CSNK1E: variants seen among roughly 807,000 people sequenced by gnomAD.
The protein encoded by CSNK1E is casein kinase I isoform epsilon.
Under a neutral mutation model 46.1 loss-of-function variants are expected in CSNK1E, and 17 were observed. That is an observed-to-expected ratio of 0.37 (90% CI 0.25 to 0.55). CSNK1E has a LOEUF of 0.55. Among genes scored for constraint, CSNK1E ranks in the 20% least tolerant of loss-of-function variants. The probability of loss-of-function intolerance (pLI) is 0.82; values close to 1 mark genes in which losing one functional copy is unlikely to be tolerated. For synonymous variants in CSNK1E, 241 were observed against 242.6 expected (o/e 0.99, Z 0.06); for missense variants, 386 against 595.4 (o/e 0.65, Z 3.66).
rs894735680 is a variant in CSNK1E at position 38,293,435 on chromosome 22, G to T, written c.1219-116C>A. ...TGGCAAGTCTCTCCCCACTGAGGAG[G>T]TGTACCCCCACCCCCACCTCCAGGC... On this transcript the variant is annotated intron_variant, in intron 9 of 10. Coordinates refer to ENST00000396832, the MANE Select transcript of CSNK1E (RefSeq NM_152221.3). The T allele has an allele frequency of 5.9e-6, 4 of 674,424 alleles. No individual in the cohort carries two copies. In the Admixed American group the frequency reaches 1.0e-4, roughly 17 times the overall value. 41.8% of individuals were successfully genotyped at this position (674,424 alleles called of 1,614,324 possible). A position where few individuals can be genotyped will look rare whatever the true frequency, so the allele number is the denominator to read the frequency against.
At chr22:38,316,717 C>T (rs1319127929) in intron 1 of CSNK1E, 1 of 152,292 alleles carries the variant, frequency 6.6e-6, no homozygotes, top group Non-Finnish European at 1.5e-5. Flanking sequence ...CCTTGCGAAC[C>T]CCCAGGTCCG....
chr22:38,304,761 G>A (rs868141477), intron 2 of CSNK1E, among the ~76,000 whole-genome samples: 5 of 152,124 alleles, frequency 3.3e-5, no homozygotes, highest in Middle Eastern at 3.2e-3. Context: ...TCCATGCGGC[G>A]GAATATTATT....
At chr22:38,297,932 G>A in intron 7 of CSNK1E, 1 of 1,112,458 alleles carries the variant, frequency 9.0e-7, no homozygotes, top group South Asian at 2.0e-5. Context: ...AGTTTTGGGG[G>A]GACAGCTCCT....
In CSNK1E at chr22:38,298,563, C is replaced by T. The variant is rs952511443; in HGVS notation, c.885+223G>A. The T allele has an allele frequency of 4.3e-5, 24 of 557,840 alleles. No homozygotes were observed. Among genetic ancestry groups the T allele is most frequent in the East Asian group, 3.9e-4 (12 of 30,894 alleles). 34.6% of individuals were successfully genotyped at this position (557,840 alleles called of 1,614,324 possible). ...TGAAGCCAGATCCTCCTTGTTCCGACGGGAGACAGCGCCCTGCCTGGGCCC... is the reference window on the plus strand; with the variant it reads ...TGAAGCCAGATCCTCCTTGTTCCGATGGGAGACAGCGCCCTGCCTGGGCCC... On this transcript the variant is annotated intron_variant, in intron 7 of 10. Coordinates refer to ENST00000396832, the MANE Select transcript of CSNK1E (RefSeq NM_152221.3). The surrounding 1 kb of genome is among the most constrained non-coding windows in gnomAD (Gnocchi z 4.2).
intron 1 of CSNK1E, among the ~76,000 whole-genome samples, chr22:38,314,627 A>G (rs1011194631): frequency 7.2e-5 from 11 of 152,174 alleles, no homozygotes; most frequent in African/African-American, 2.4e-4. Context: ...GCCCTCGACC[A>G]TCCACCTTCC....
rs149453475 is a variant in CSNK1E at position 38,299,299 on chromosome 22, C to T, written c.737-365G>A. 2.2e-3 allele frequency among the ~76,000 whole-genome samples: 336 copies of T among 152,328 alleles called. 2 individuals are homozygous for T. The highest frequency in any genetic ancestry group is 7.2e-3 in the African/African-American group (300 of 41,574). On this transcript the variant is annotated intron_variant, in intron 6 of 10. Coordinates refer to ENST00000396832, the MANE Select transcript of CSNK1E (RefSeq NM_152221.3). The stretch of plus-strand genomic sequence containing the variant: ...AATTCAAAGGACTGCAAGAGCCTGA[C>T]GGGACCTTCTAACACAACCTAAGCA...
intron 10 of CSNK1E, chr22:38,292,533 T>G (rs2092616785): frequency 6.6e-6 from 1 of 152,058 alleles, no homozygotes; most frequent in African/African-American, 2.4e-5. Context: ...CTCTCTTGTG[T>G]GGATGAATTT....
intron 2 of CSNK1E, 25 bp downstream of exon 2, chr22:38,314,057 T>C (rs2092732736): frequency 6.2e-7 from 1 of 1,605,370 alleles, no homozygotes; most frequent in African/African-American, 1.3e-5. Context: ...CCCCAGGGGC[T>C]CCAGCTGGAG....
chr22:38,307,676 G>A (rs2092704356), intron 2 of CSNK1E, among the ~76,000 whole-genome samples: 2 of 152,242 alleles, frequency 1.3e-5, no homozygotes, highest in Admixed American at 6.5e-5. Flanking sequence ...ATTCCCCACA[G>A]GTACCGAAGG....
chr22:38,310,651 G>A (rs1239150266), intron 2 of CSNK1E, among the ~76,000 whole-genome samples: 1 of 152,184 alleles, frequency 6.6e-6, no homozygotes, highest in African/African-American at 2.4e-5. Context: ...TAGCAAATGG[G>A]CCCAGATTTG....
rs958020899 is a variant in CSNK1E, at chr22:38,297,971, G to A, written c.885+815C>T. On this transcript the variant is annotated intron_variant, in intron 7 of 10. Transcript: ENST00000396832. ...CCTCCTCCACCGGCCTATCTGGGGG[G>A]CTCTGGGTGCCCAGGGGAGCCGGGC... 8 of 1,138,422 alleles carry A rather than the reference G, an allele frequency of 7.0e-6. No homozygotes were observed. The South Asian group carries it at 9.0e-5, about 13-fold the overall frequency. 70.5% of individuals were successfully genotyped at this position (1,138,422 alleles called of 1,614,324 possible). A position where few individuals can be genotyped will look rare whatever the true frequency, so the allele number is the denominator to read the frequency against.
At chr22:38,317,685 A>T (rs577443736), upstream of CSNK1E, among the ~76,000 whole-genome samples, 131 of 151,698 alleles carry the variant, frequency 8.6e-4, no homozygotes, top group African/African-American at 3.1e-3. Flanking sequence ...CGGGGGGGAC[A>T]GAGGGAAGAG....
At chr22:38,308,094 G>A (rs1395011057) in intron 2 of CSNK1E, among the ~76,000 whole-genome samples, 1 of 152,130 alleles carries the variant, frequency 6.6e-6, no homozygotes, top group Admixed American at 6.5e-5. Flanking sequence ...TCTACATTCT[G>A]TCTCTATGGA....
rs2092625902 is a variant in CSNK1E, at chr22:38,294,032, G to A, written c.1218+77C>T. 1.1e-5 allele frequency: 16 copies of A among 1,514,604 alleles called. No individual in the cohort carries two copies. The highest frequency in any genetic ancestry group is 1.4e-5 in the Non-Finnish European group (16 of 1,121,492). The allele number at this position is 1,514,604 out of a possible 1,614,324, so 93.8% of individuals were successfully genotyped here. A position where few individuals can be genotyped will look rare whatever the true frequency, so the allele number is the denominator to read the frequency against. ...GCGTCGATGGAAAGGGAAGAACAGA[G>A]CCACGGCCTGACCTCCCACTGGGGG... On this transcript the variant is annotated intron_variant, in intron 9 of 10. Transcript: ENST00000396832. The surrounding 1 kb of genome is among the most constrained non-coding windows in gnomAD (Gnocchi z 5.5).
Position 38,303,132 on chromosome 22 carries a change from G to A in CSNK1E, c.187+6C>T, listed in dbSNP as rs376635910. ...CGGCGCCCGCCGCCGCCCACCCTGC[G>A]CTCACCGCCACCCTGCATCATCTTG... On this transcript the variant is annotated splice_donor_region_variant and intron_variant, in intron 3 of 10. Coordinates refer to ENST00000396832, the MANE Select transcript of CSNK1E (RefSeq NM_152221.3). This position sits in a 1 kb window ranked among gnomAD's most constrained non-coding sequence, Gnocchi z 4.7. 228 of 1,604,146 alleles carry A rather than the reference G, an allele frequency of 1.4e-4. No homozygotes were observed. The highest frequency in any genetic ancestry group is 3.0e-4 in the Admixed American group (18 of 59,374).
In CSNK1E at chr22:38,296,305, T is replaced by C. The variant is rs551891721; in HGVS notation, c.886-1771A>G. 7.6e-6 allele frequency: 10 copies of C among 1,320,914 alleles called. No individual in the cohort carries two copies. In the Admixed American group the frequency reaches 2.8e-4, roughly 37 times the overall value. 81.8% of individuals were successfully genotyped at this position (1,320,914 alleles called of 1,614,324 possible). On this transcript the variant is annotated intron_variant, in intron 7 of 10. Transcript: ENST00000396832. ...ATATGGACCTCTGTCCTTGGCTGTGTTGAATTCCTTCCCGGCCAGCTGACT... is the reference window on the plus strand; with the variant it reads ...ATATGGACCTCTGTCCTTGGCTGTGCTGAATTCCTTCCCGGCCAGCTGACT...
In CSNK1E at chr22:38,296,648, G is replaced by A. The variant is rs576535223; in HGVS notation, c.886-2114C>T. ...CCTCAAGAGGGACTTCCAGGAAGGC[G>A]GTCAGACCAGCAGCAGTGGGTGGAG... On this transcript the variant is annotated intron_variant, in intron 7 of 10. Coordinates refer to ENST00000396832, the MANE Select transcript of CSNK1E (RefSeq NM_152221.3). The A allele has an allele frequency of 4.2e-5, 67 of 1,612,844 alleles. No individual in the cohort carries two copies. In the South Asian group the frequency reaches 4.9e-4, roughly 12 times the overall value.
chr22:38,297,002 G>A, intron 7 of CSNK1E: 1 of 666,610 alleles, frequency 1.5e-6, no homozygotes, highest in Non-Finnish European at 2.7e-6. Context: ...TTAAACTCCT[G>A]ACCTCAAGTC....
At chr22:38,296,933 C>T in intron 7 of CSNK1E, 1 of 611,748 alleles carries the variant, frequency 1.6e-6, no homozygotes, top group South Asian at 1.9e-5. Flanking sequence ...CACCACCATG[C>T]CCAGCTAATT....
Sources: gnomAD v4.1 joint callset for allele counts (sites outside exome capture counted in the v4.1 genomes callset) on GRCh38, gnomAD v4.1.1 for gene constraint, Gnocchi (gnomAD v3.1) non-coding constraint, MANE v1.5 for transcripts, NCBI Gene and HGNC (gene_info 2026-07-23, HGNC 2026-07-21) for gene names.